Variants in CSMD1 observed in about 807,000 individuals in gnomAD.
CSMD1 encodes CUB and Sushi multiple domains 1, also known as CUB and sushi domain-containing protein 1.
In CSMD1, 213 loss-of-function variants were observed where a neutral mutation model predicts 417.5. The observed-to-expected ratio is 0.51, with a 90% CI of 0.46 to 0.57. The LOEUF (loss-of-function observed/expected upper bound fraction) is 0.57. Ranked by LOEUF, CSMD1 falls within the 20% of genes least tolerant of loss-of-function variation. The pLI is 0.00. For synonymous variants in CSMD1, 2,862 were observed against 1,736.8 expected (o/e 1.65, Z -16.11); for missense variants, 6,923 against 4,529.7 (o/e 1.53, Z -15.17).
intron 3 of CSMD1, among the ~76,000 whole-genome samples, chr8:4,054,927 A>G (rs1798614000): frequency 6.6e-6 from 1 of 152,142 alleles, no homozygotes; most frequent in South Asian, 2.1e-4. Context: ...TTTCTCTTTT[A>G]AATCAATAAA....
At chr8:3,106,138 C>G (rs1454168383) in intron 46 of CSMD1, among the ~76,000 whole-genome samples, 1 of 149,138 alleles carries the variant, frequency 6.7e-6, no homozygotes, top group African/African-American at 2.5e-5. Context: ...GCAATCCTAG[C>G]AATCTGGGAA....
At chr8:4,290,516 T>A (rs183186391) in intron 3 of CSMD1, among the ~76,000 whole-genome samples, 1 of 152,178 alleles carries the variant, frequency 6.6e-6, no homozygotes, top group African/African-American at 2.4e-5. Flanking sequence ...GGACAGATGA[T>A]GTTTCTCTGA....
intron 3 of CSMD1, among the ~76,000 whole-genome samples, chr8:4,051,980 C>G (rs777024155): frequency 6.6e-6 from 1 of 151,592 alleles, no homozygotes; most frequent in Non-Finnish European, 1.5e-5. Context: ...GGCTGGAGTG[C>G]AACAGTGTTA....
chr8:4,079,753 T>C (rs971616585), intron 3 of CSMD1, among the ~76,000 whole-genome samples: 2 of 152,096 alleles, frequency 1.3e-5, no homozygotes, highest in African/African-American at 2.4e-5. Context: ...TGATGAAAAA[T>C]AGTTTATGCA....
intron 3 of CSMD1, among the ~76,000 whole-genome samples, chr8:4,078,648 C>G (rs78948504): frequency 0.066 from 9,859 of 149,308 alleles, 364 homozygotes; most frequent in Middle Eastern, 0.1. Context: ...ACATGTATTT[C>G]TAACTATCCT....
At chr8:3,832,516 T>A (rs1000866860) in intron 5 of CSMD1, among the ~76,000 whole-genome samples, 1 of 152,190 alleles carries the variant, frequency 6.6e-6, no homozygotes, top group African/African-American at 2.4e-5. Context: ...TAGCATCACT[T>A]ATTTTAAACT....
At chr8:3,352,309 C>A (rs542167024) in intron 21 of CSMD1, among the ~76,000 whole-genome samples, 1 of 151,946 alleles carries the variant, frequency 6.6e-6, no homozygotes, top group East Asian at 1.9e-4. Flanking sequence ...CAGGGAATGC[C>A]CTAAAACAGT....
At chr8:4,516,865 A>G (rs997956531) in intron 2 of CSMD1, among the ~76,000 whole-genome samples, 3 of 152,042 alleles carry the variant, frequency 2.0e-5, no homozygotes, top group Non-Finnish European at 4.4e-5. Flanking sequence ...TTTTCTTTAT[A>G]CTAGCTCTAG....
At chr8:4,860,548 G>C (rs964506631) in intron 1 of CSMD1, among the ~76,000 whole-genome samples, 1 of 151,950 alleles carries the variant, frequency 6.6e-6, no homozygotes, top group Admixed American at 6.6e-5. Flanking sequence ...GCAGATGCTC[G>C]TGCCATGCTT....
chr8:3,394,603 G>C (rs1022314305), intron 17 of CSMD1, among the ~76,000 whole-genome samples: 5 of 136,346 alleles, frequency 3.7e-5, no homozygotes, highest in African/African-American at 1.4e-4. Context: ...ATATCTAAGA[G>C]TCAAGAAATT....
chr8:3,441,510 T>TATATATATATATATAC (rs1369666489), intron 12 of CSMD1, among the ~76,000 whole-genome samples: 3 of 147,044 alleles, frequency 2.0e-5, no homozygotes, highest in African/African-American at 7.5e-5. Context: ...TATATATATA[T>TATATATATATATATAC]ACACACACAC....
intron 26 of CSMD1, among the ~76,000 whole-genome samples, chr8:3,272,406 C>T (rs1801934970): frequency 6.6e-6 from 1 of 150,942 alleles, no homozygotes; most frequent in Middle Eastern, 3.4e-3. Context: ...ACTGACTTGG[C>T]AATGTGGGCT....
intron 5 of CSMD1, among the ~76,000 whole-genome samples, chr8:3,821,039 C>A (rs1186236973): frequency 6.6e-6 from 1 of 152,034 alleles, no homozygotes; most frequent in South Asian, 2.1e-4. Context: ...GCCTCAGCCT[C>A]CCCAGTAGCT....
chr8:3,732,927 T>C (rs1382405529), intron 6 of CSMD1, among the ~76,000 whole-genome samples: 1 of 152,136 alleles, frequency 6.6e-6, no homozygotes, highest in African/African-American at 2.4e-5. Flanking sequence ...CATACAACTA[T>C]TTATCTATCC....
chr8:4,751,397 G>T (rs1206678186), intron 1 of CSMD1, among the ~76,000 whole-genome samples: 3 of 151,830 alleles, frequency 2.0e-5, no homozygotes, highest in African/African-American at 4.8e-5. Flanking sequence ...TCTCAGGGGG[G>T]GTGGCGGGGC....
chr8:4,028,387 G>A (rs535936575), intron 4 of CSMD1, among the ~76,000 whole-genome samples: 7 of 151,988 alleles, frequency 4.6e-5, no homozygotes, highest in African/African-American at 1.5e-4. Context: ...TACAGTAAGT[G>A]GACAATACAT....
At chr8:4,673,943 A>C (rs1805512864) in intron 1 of CSMD1, among the ~76,000 whole-genome samples, 1 of 152,178 alleles carries the variant, frequency 6.6e-6, no homozygotes, top group Non-Finnish European at 1.5e-5. Flanking sequence ...AAAATTAATA[A>C]AGGAGGTGAT....
At chr8:4,723,493 C>G (rs907944970) in intron 1 of CSMD1, among the ~76,000 whole-genome samples, 1 of 152,110 alleles carries the variant, frequency 6.6e-6, no homozygotes, top group Non-Finnish European at 1.5e-5. Flanking sequence ...CCTGACAACA[C>G]GTCCATTTTG....
At chr8:4,744,421 C>G (rs893182895) in intron 1 of CSMD1, among the ~76,000 whole-genome samples, 1 of 152,184 alleles carries the variant, frequency 6.6e-6, no homozygotes, top group Non-Finnish European at 1.5e-5. Flanking sequence ...GCGCAGGACA[C>G]AGCTTCCCAA....
Sources: gnomAD v4.1 joint callset for allele counts (sites outside exome capture counted in the v4.1 genomes callset) on GRCh38, gnomAD v4.1.1 for gene constraint, MANE v1.5 for transcripts, NCBI Gene and HGNC (gene_info 2026-07-23, HGNC 2026-07-21) for gene names.